USP53: variants seen among roughly 807,000 people sequenced by gnomAD.
USP53 encodes the protein ubiquitin specific peptidase 53.
Under a neutral mutation model 94.9 loss-of-function variants are expected in USP53, and 71 were observed. The ratio of observed to expected loss-of-function variants is 0.75; its 90% confidence interval spans 0.62 to 0.91. USP53 has a LOEUF of 0.91. Among genes scored for constraint, USP53 ranks in the 40% least tolerant of loss-of-function variants. The probability of loss-of-function intolerance (pLI) is 0.00; values close to 1 mark genes in which losing one functional copy is unlikely to be tolerated. For synonymous variants in USP53, 375 were observed against 422.7 expected, an observed-to-expected ratio of 0.89 and a Z score of 1.39; for missense variants, 1,173 against 1,281.0, an observed-to-expected ratio of 0.92 and a Z score of 1.29.
intron 7 of USP53, among the ~76,000 whole-genome samples, chr4:119,251,863 G>GT (rs1342268114): frequency 6.6e-6 from 1 of 152,190 alleles, no homozygotes; most frequent in Non-Finnish European, 1.5e-5. Flanking sequence ...AATATTGGCT[G>GT]TGAGTTTGTC....
intron 12 of USP53, among the ~76,000 whole-genome samples, chr4:119,265,727 A>T (rs1455987771): frequency 6.6e-6 from 1 of 152,104 alleles, no homozygotes; most frequent in Admixed American, 6.6e-5. Context: ...AGTCTCTTGG[A>T]ATCCCCAGTG....
chr4:119,252,286 T>C (rs537772566), intron 7 of USP53, among the ~76,000 whole-genome samples: 10 of 152,360 alleles, frequency 6.6e-5, no homozygotes, highest in African/African-American at 2.2e-4. Context: ...TTCTATTGAT[T>C]GGAATAGTTT....
At chr4:119,232,538 G>T (rs1190061625) in intron 3 of USP53, among the ~76,000 whole-genome samples, 1 of 152,098 alleles carries the variant, frequency 6.6e-6, no homozygotes, top group African/African-American at 2.4e-5. Flanking sequence ...TCCATTGATT[G>T]GTTGATGGAC....
Position 119,273,656 on chromosome 4 carries a change from A to G in USP53, c.2199A>G (p.Leu733=). 6.2e-7 allele frequency: 1 copy of G among 1,613,288 alleles called. No homozygotes were observed. The highest frequency in any genetic ancestry group is 8.5e-7 in the Non-Finnish European group (1 of 1,179,536). Residue 733 remains leucine (L), a synonymous_variant, in exon 17 of 19, where the codon CTA becomes CTG. Coordinates refer to ENST00000692078, the MANE Select transcript of USP53 (RefSeq NM_001371395.1). The part of the protein sequence containing the change: ...CFSDQITTSN[L]NKERGDCTSL... ...GTGACCAGATTACGACAAGCAACCTAAATAAAGAACGTGGGGACTGTACCT... is the reference window on the plus strand; with the variant it reads ...GTGACCAGATTACGACAAGCAACCTGAATAAAGAACGTGGGGACTGTACCT...
intron 3 of USP53, among the ~76,000 whole-genome samples, chr4:119,228,905 A>G (rs966408814): frequency 1.3e-5 from 2 of 152,226 alleles, no homozygotes; most frequent in Non-Finnish European, 2.9e-5. Flanking sequence ...AAAAAGTAAT[A>G]TAAAATAGAA....
At chr4:119,253,639 T>A (rs146531121) in intron 7 of USP53, among the ~76,000 whole-genome samples, 41,671 of 152,044 alleles carry the variant, frequency 0.27, 6,007 homozygotes, top group East Asian at 0.38. Flanking sequence ...GTCTCCTGAA[T>A]ACAGCACACT....
intron 1 of USP53, among the ~76,000 whole-genome samples, chr4:119,213,637 A>AATAGATATATTAGATATATATAG (rs1553961969): frequency 2.5e-4 from 10 of 40,688 alleles, no homozygotes; most frequent in South Asian, 1.8e-3. Flanking sequence ...CTTATCTGGA[A>AATAGATATATTAGATATATATAG]ATAGATATAT....
At chr4:119,272,151 T>G in intron 16 of USP53, 117 bp downstream of exon 16, 1 of 1,066,596 alleles carries the variant, frequency 9.4e-7, no homozygotes, top group Non-Finnish European at 1.3e-6. Context: ...TGAGCTGTTT[T>G]AAAGAGCTTT....
intron 1 of USP53, among the ~76,000 whole-genome samples, chr4:119,213,660 A>ATATATATATATATATATATG: frequency 5.1e-5 from 6 of 117,790 alleles, no homozygotes; most frequent in South Asian, 2.9e-4. Flanking sequence ...ATATATATAT[A>ATATATATATATATATATATG]TGTGTGTGTG....
chr4:119,228,430 A>G (rs1045928895), intron 3 of USP53, among the ~76,000 whole-genome samples: 1 of 152,156 alleles, frequency 6.6e-6, no homozygotes, highest in African/African-American at 2.4e-5. Flanking sequence ...GATTCATGTG[A>G]TTACATTAGG....
At chr4:119,218,798 A>G (rs1744140988) in intron 3 of USP53, 1 of 152,132 alleles carries the variant, frequency 6.6e-6, no homozygotes, top group Admixed American at 6.5e-5. Flanking sequence ...TATTACTTCA[A>G]CTTGGTATAA....
intron 2 of USP53, among the ~76,000 whole-genome samples, chr4:119,215,339 C>T (rs1743570907): frequency 6.6e-6 from 1 of 152,256 alleles, no homozygotes; most frequent in South Asian, 2.1e-4. Context: ...ATGCAACCTG[C>T]TCTACTACAA....
intron 3 of USP53, chr4:119,219,314 C>A (rs1744199200): frequency 6.6e-6 from 1 of 152,206 alleles, no homozygotes; most frequent in African/African-American, 2.4e-5. Flanking sequence ...TCTTTCCTTG[C>A]CCCTTCCTAA....
intron 3 of USP53, chr4:119,221,322 A>G (rs907174659): frequency 1.3e-5 from 2 of 152,038 alleles, no homozygotes; most frequent in African/African-American, 4.8e-5. Flanking sequence ...TAATATCAGC[A>G]CTTTGAGAGG....
chr4:119,235,557 C>T (rs1001899466), intron 4 of USP53, 146 bp downstream of exon 4: 4 of 152,190 alleles, frequency 2.6e-5, no homozygotes, highest in Non-Finnish European at 5.9e-5. Context: ...GGATTACACA[C>T]GTGGACCACC....
At chr4:119,225,473 G>A (rs540518625) in intron 3 of USP53, among the ~76,000 whole-genome samples, 11 of 152,136 alleles carry the variant, frequency 7.2e-5, no homozygotes, top group African/African-American at 1.7e-4. Flanking sequence ...ACAGCCAGGC[G>A]TGGTGGCTCA....
Position 119,276,522 on chromosome 4 carries a change from A to T in USP53, c.2251+2814A>T, listed in dbSNP as rs1394958261. ...TTGCCAGTATTTTATTGAGGATTTT[A>T]GCATCAATGTTCATCAAGGATATTG... On this transcript the variant is annotated intron_variant, in intron 17 of 18. Coordinates refer to ENST00000692078, the MANE Select transcript of USP53 (RefSeq NM_001371395.1). Among the ~76,000 whole-genome samples, 4 of 151,480 alleles carry T rather than the reference A, an allele frequency of 2.6e-5. No homozygotes were observed. In the East Asian group the frequency reaches 5.8e-4, roughly 22 times the overall value.
Position 119,256,356 on chromosome 4 carries a change from A to G in USP53, c.483A>G (p.Glu161=), listed in dbSNP as rs770124987. The G allele has an allele frequency of 4.3e-6, 7 of 1,613,652 alleles. No homozygotes were observed. The highest frequency in any genetic ancestry group is 1.7e-6 in the Non-Finnish European group (2 of 1,179,734). Residue 161 remains glutamate, a synonymous_variant, in exon 8 of 19, where the codon GAA becomes GAG. Coordinates refer to ENST00000692078, the MANE Select transcript of USP53 (RefSeq NM_001371395.1). ...THQKFAMTLY[E]QCVCRSCGAS... is the part of the protein sequence containing the mutation. ...AGAAGTTTGCTATGACTCTGTATGA[A>G]CAGGTGAGATGGCTTGATTATTATT...
intron 7 of USP53, among the ~76,000 whole-genome samples, chr4:119,249,966 A>C (rs887637767): frequency 6.6e-6 from 1 of 152,010 alleles, no homozygotes; most frequent in African/African-American, 2.4e-5. Flanking sequence ...GACTGGCCTT[A>C]TGTCCTATTT....
Sources: gnomAD v4.1 joint callset for allele counts (sites outside exome capture counted in the v4.1 genomes callset) on GRCh38, gnomAD v4.1.1 for gene constraint, MANE v1.5 for transcripts, NCBI Gene and HGNC (gene_info 2026-07-23, HGNC 2026-07-21) for gene names.